Variants in SMG7 observed in about 807,000 individuals in gnomAD.
The protein encoded by SMG7 is SMG7 nonsense mediated mRNA decay factor.
SMG7 carries 34 observed loss-of-function variants against 148.2 expected under a neutral mutation model. The observed-to-expected ratio is 0.23, with a 90% CI of 0.17 to 0.31. The LOEUF is 0.31. Ranked by LOEUF, SMG7 falls within the 10% of genes least tolerant of loss-of-function variation. The probability of loss-of-function intolerance (pLI) is 1.00; values close to 1 mark genes in which losing one functional copy is unlikely to be tolerated. For synonymous variants in SMG7, 492 were observed against 515.1 expected (o/e 0.96, Z 0.61); for missense variants, 1,114 against 1,408.4 (o/e 0.79, Z 3.35).
intron 22 of SMG7, 33 bp from the exon 23 acceptor site, chr1:183,551,785 A>G (rs767742792): frequency 6.0e-5 from 91 of 1,525,712 alleles, no homozygotes; most frequent in Non-Finnish European, 8.0e-5. Flanking sequence ...TTGGCATTTG[A>G]CCTCTGCTGA....
rs368214328 is a variant in SMG7, at chr1:183,533,648, T to G, written c.1007-28T>G. 2.5e-6 allele frequency: 4 copies of G among 1,589,970 alleles called. No homozygotes were observed. In the East Asian group the frequency reaches 9.0e-5, roughly 36 times the overall value. The stretch of plus-strand genomic sequence containing the variant: ...AACTGGCACAGTTTCATATTTCTTA[T>G]GCTTTTTGAATACATTTTTTTTTCA... On this transcript the variant is annotated intron_variant, in intron 9 of 22. Coordinates refer to ENST00000688051, the MANE Select transcript of SMG7 (RefSeq NM_001375584.1).
chr1:183,538,299 T>G, intron 11 of SMG7, 81 bp from the exon 12 acceptor site: 1 of 903,846 alleles, frequency 1.1e-6, no homozygotes, highest in Non-Finnish European at 1.8e-6. Context: ...TATGTTAATT[T>G]TTAAAAAAAT....
chr1:183,550,967 C>T (rs540602603), intron 21 of SMG7, 46 bp downstream of exon 21: 4 of 1,613,356 alleles, frequency 2.5e-6, no homozygotes, highest in African/African-American at 1.3e-5. Context: ...AGAATTTACT[C>T]TATCCTTCCC....
At chr1:183,502,808 C>T (rs1016415784) in intron 1 of SMG7, among the ~76,000 whole-genome samples, 4 of 152,044 alleles carry the variant, frequency 2.6e-5, no homozygotes, top group Non-Finnish European at 5.9e-5. Flanking sequence ...TGTATGTCAG[C>T]GTGGATGCAA....
At chr1:183,473,913 G>T in intron 1 of SMG7, 1 of 979,994 alleles carries the variant, frequency 1.0e-6, no homozygotes, top group African/African-American at 1.7e-5. Context: ...GTAGTTACCT[G>T]ATACATAGGG....
At chr1:183,523,835 C>G (rs1319894832) in intron 4 of SMG7, among the ~76,000 whole-genome samples, 7 of 151,864 alleles carry the variant, frequency 4.6e-5, no homozygotes, top group Admixed American at 6.6e-5. Flanking sequence ...AGATGTGCAG[C>G]CTTGCCTAGT....
intron 20 of SMG7, 171 bp downstream of exon 20, chr1:183,550,094 C>T (rs182740659): frequency 8.1e-5 from 46 of 570,444 alleles, no homozygotes; most frequent in Admixed American, 6.7e-4. Flanking sequence ...AAGAAGAAGC[C>T]GGTTTATGTA....
At chr1:183,539,473 C>T (rs1274890945) in intron 12 of SMG7, among the ~76,000 whole-genome samples, 2 of 152,114 alleles carry the variant, frequency 1.3e-5, no homozygotes, top group Non-Finnish European at 2.9e-5. Flanking sequence ...TGTACATTCA[C>T]CCTGTTAATC....
chr1:183,473,622 A>T (rs1651349080), intron 1 of SMG7: 1 of 478,208 alleles, frequency 2.1e-6, no homozygotes, highest in African/African-American at 2.1e-5. Flanking sequence ...AAAAATCTTG[A>T]TAGAGAAAAG....
intron 1 of SMG7, among the ~76,000 whole-genome samples, chr1:183,511,175 A>G (rs1334281168): frequency 6.6e-6 from 1 of 151,982 alleles, no homozygotes; most frequent in Non-Finnish European, 1.5e-5. Context: ...TTATATACCT[A>G]CCTTCTTAAA....
rs1214081233 is a variant in SMG7, at chr1:183,552,188, C to G, written c.*257C>G. On this transcript the variant is annotated 3_prime_UTR_variant, in exon 23 of 23. Coordinates refer to ENST00000688051, the MANE Select transcript of SMG7 (RefSeq NM_001375584.1). ...GAGAGGAACTGCTGTTTATCTCACT[C>G]AGTTACTTGGTATCACCGCCTCTCA... 3.5e-6 allele frequency: 4 copies of G among 1,129,998 alleles called. No homozygotes were observed. The highest frequency in any genetic ancestry group is 4.3e-6 in the Non-Finnish European group (4 of 920,382). 70.0% of individuals were successfully genotyped at this position (1,129,998 alleles called of 1,614,324 possible). A position where few individuals can be genotyped will look rare whatever the true frequency, so the allele number is the denominator to read the frequency against.
At chr1:183,526,334 A>G (rs1665859427) in intron 4 of SMG7, among the ~76,000 whole-genome samples, 1 of 150,858 alleles carries the variant, frequency 6.6e-6, no homozygotes, top group Non-Finnish European at 1.5e-5. Context: ...TTGTATTTTT[A>G]GTAGAGACGG....
intron 1 of SMG7, among the ~76,000 whole-genome samples, chr1:183,494,989 C>A (rs745410126): frequency 2.6e-4 from 39 of 151,696 alleles, no homozygotes; most frequent in Non-Finnish European, 4.7e-4. Flanking sequence ...CCACCATGCC[C>A]AGCTAATTTT....
intron 1 of SMG7, among the ~76,000 whole-genome samples, chr1:183,495,007 T>G (rs1020500128): frequency 6.6e-6 from 1 of 151,992 alleles, no homozygotes; most frequent in African/African-American, 2.4e-5. Flanking sequence ...TTTGGTGTTT[T>G]TAGTAGAGAC....
At chr1:183,504,994 GT>G (rs747426920) in intron 1 of SMG7, among the ~76,000 whole-genome samples, 43 of 151,560 alleles carry the variant, frequency 2.8e-4, no homozygotes, top group Non-Finnish European at 5.3e-4. Context: ...AGTGCTGTCA[GT>G]TTTATTTTCT....
At chr1:183,538,575 G>GA in intron 12 of SMG7, 135 bp downstream of exon 12, 1 of 681,170 alleles carries the variant, frequency 1.5e-6, no homozygotes, top group Non-Finnish European at 2.7e-6. Flanking sequence ...AACTAATACT[G>GA]AAAGTTGTTG....
intron 2 of SMG7, 131 bp downstream of exon 2, chr1:183,512,999 C>T (rs1011698801): frequency 4.0e-6 from 3 of 755,536 alleles, no homozygotes; most frequent in Non-Finnish European, 6.3e-6. Context: ...CATTTACTAT[C>T]TGCTTTAAAT....
intron 1 of SMG7, among the ~76,000 whole-genome samples, chr1:183,500,533 C>T (rs1265690130): frequency 6.6e-6 from 1 of 152,148 alleles, no homozygotes; most frequent in Non-Finnish European, 1.5e-5. Flanking sequence ...ATGCTGTGCA[C>T]TATGTGAGGC....
chr1:183,539,471 C>A (rs995024170), intron 12 of SMG7, among the ~76,000 whole-genome samples: 2 of 152,156 alleles, frequency 1.3e-5, no homozygotes, highest in Non-Finnish European at 2.9e-5. Flanking sequence ...TTTGTACATT[C>A]ACCCTGTTAA....
Sources: gnomAD v4.1 joint callset for allele counts (sites outside exome capture counted in the v4.1 genomes callset) on GRCh38, gnomAD v4.1.1 for gene constraint, MANE v1.5 for transcripts, NCBI Gene and HGNC (gene_info 2026-07-23, HGNC 2026-07-21) for gene names.